The following BNC2 variants were observed in gnomAD, a reference collection of about 807,000 sequenced individuals.
BNC2 encodes the protein basonuclin zinc finger protein 2, also known as zinc finger protein basonuclin-2.
In BNC2, 20 loss-of-function variants were observed where a neutral mutation model predicts 76.3. The ratio of observed to expected loss-of-function variants is 0.26; its 90% CI spans 0.18 to 0.38. The LOEUF is 0.38. Among genes scored for constraint, BNC2 ranks in the 10% least tolerant of loss-of-function variants. The pLI is 1.00. For missense variants in BNC2, 1,382 were observed against 1,399.8 expected, an observed-to-expected ratio of 0.99 and a Z score of 0.20; for synonymous variants, 582 against 514.8, an observed-to-expected ratio of 1.13 and a Z score of -1.77.
chr9:16,736,701 C>G (rs1183998924), intron 2 of BNC2, among the ~76,000 whole-genome samples: 1 of 151,810 alleles, frequency 6.6e-6, no homozygotes, highest in Non-Finnish European at 1.5e-5. Context: ...GTCTCGAACT[C>G]CTGACCTTGT....
chr9:16,513,505 C>A (rs1341954277), intron 5 of BNC2, among the ~76,000 whole-genome samples: 1 of 151,922 alleles, frequency 6.6e-6, no homozygotes, highest in Non-Finnish European at 1.5e-5. Context: ...ACGGGTTTCA[C>A]CATATTAGCC....
chr9:16,497,732 C>T (rs1822419853), intron 5 of BNC2, among the ~76,000 whole-genome samples: 1 of 151,896 alleles, frequency 6.6e-6, no homozygotes, highest in South Asian at 2.1e-4. Context: ...CGGAATTAAC[C>T]AAGTAAAAAG....
At chr9:16,478,337 A>G (rs947670554) in intron 5 of BNC2, among the ~76,000 whole-genome samples, 2 of 152,106 alleles carry the variant, frequency 1.3e-5, no homozygotes, top group Non-Finnish European at 2.9e-5. Context: ...TCACATTTCA[A>G]TTGCTCAATG....
chr9:16,453,714 A>G (rs1821389325), intron 5 of BNC2, among the ~76,000 whole-genome samples: 1 of 152,082 alleles, frequency 6.6e-6, no homozygotes, highest in African/African-American at 2.4e-5. Flanking sequence ...TTCCATATTC[A>G]GCTGAGGCAG....
At chr9:16,735,324 C>T (rs1824632847) in intron 2 of BNC2, among the ~76,000 whole-genome samples, 2 of 150,144 alleles carry the variant, frequency 1.3e-5, no homozygotes, top group Admixed American at 6.6e-5. Flanking sequence ...TTCTTTATAC[C>T]AAACCTATAT....
intron 1 of BNC2, among the ~76,000 whole-genome samples, chr9:16,865,076 TG>T (rs1819511189): frequency 6.7e-6 from 1 of 148,920 alleles, no homozygotes; most frequent in Admixed American, 6.7e-5. Flanking sequence ...AATTTCAGCA[TG>T]GGGCACTTTG....
chr9:16,472,793 C>T (rs1279143655), intron 5 of BNC2, among the ~76,000 whole-genome samples: 1 of 152,158 alleles, frequency 6.6e-6, no homozygotes, highest in East Asian at 1.9e-4. Flanking sequence ...GAAACAGCTA[C>T]TTAATGAAAG....
intron 3 of BNC2, among the ~76,000 whole-genome samples, chr9:16,655,546 A>T (rs1441607772): frequency 6.6e-6 from 1 of 152,218 alleles, no homozygotes; most frequent in Non-Finnish European, 1.5e-5. Context: ...TCATCCAGGA[A>T]TAAAAAAAGT....
At chr9:16,435,060 T>A in intron 6 of BNC2, 1 of 471,550 alleles carries the variant, frequency 2.1e-6, no homozygotes, top group South Asian at 1.5e-5. Flanking sequence ...TGTCTCGATG[T>A]CCTGGACCTA....
chr9:16,652,530 AG>A (rs1377257646), intron 3 of BNC2, among the ~76,000 whole-genome samples: 1 of 152,214 alleles, frequency 6.6e-6, no homozygotes, highest in Non-Finnish European at 1.5e-5. Flanking sequence ...AAAGATTTAA[AG>A]TGAATTATAC....
intron 1 of BNC2, among the ~76,000 whole-genome samples, chr9:16,811,803 GA>G (rs1818062878): frequency 6.6e-6 from 1 of 152,184 alleles, no homozygotes; most frequent in African/African-American, 2.4e-5. Flanking sequence ...TGGCCTTAGT[GA>G]AGGGGGCAAA....
chr9:16,686,506 T>C (rs1822982989), intron 3 of BNC2, among the ~76,000 whole-genome samples: 2 of 152,210 alleles, frequency 1.3e-5, no homozygotes, highest in African/African-American at 4.8e-5. Context: ...ACACTAATCA[T>C]ATATCTGTCT....
chr9:16,484,510 G>A (rs543782873), intron 5 of BNC2, among the ~76,000 whole-genome samples: 1 of 152,142 alleles, frequency 6.6e-6, no homozygotes, highest in African/African-American at 2.4e-5. Context: ...TTTAAACTCT[G>A]AGCTACTCAA....
intron 1 of BNC2, among the ~76,000 whole-genome samples, chr9:16,778,502 G>A (rs1038123911): frequency 6.6e-6 from 1 of 152,210 alleles, no homozygotes; most frequent in South Asian, 2.1e-4. Flanking sequence ...ATCCAAAAAA[G>A]AAACAGAAAG....
intron 5 of BNC2, among the ~76,000 whole-genome samples, chr9:16,469,787 G>A (rs532144285): frequency 2.6e-5 from 4 of 152,242 alleles, no homozygotes; most frequent in Admixed American, 1.3e-4. Context: ...TTCAGATGAC[G>A]TGGTCTCAGA....
intron 1 of BNC2, among the ~76,000 whole-genome samples, chr9:16,814,234 G>C (rs1818126587): frequency 6.6e-6 from 1 of 152,170 alleles, no homozygotes; most frequent in South Asian, 2.1e-4. Context: ...ATACAGGAGG[G>C]TACATATTTA....
chr9:16,472,175 C>A (rs183341917), intron 5 of BNC2, among the ~76,000 whole-genome samples: 4 of 152,262 alleles, frequency 2.6e-5, no homozygotes, highest in Admixed American at 2.6e-4. Flanking sequence ...GCCTCACAAG[C>A]ACTATATTGT....
Position 16,419,206 on chromosome 9 carries a change from A to C in BNC2, c.3083T>G (p.Leu1028Trp). Residue 1028 changes from leucine to tryptophan, a missense_variant, in exon 7 of 7, where the codon TTG (leucine) becomes TGG (tryptophan). Coordinates refer to ENST00000380672, the MANE Select transcript of BNC2 (RefSeq NM_017637.6). ...CATGATCCCACCATTGCTCCCAGAC[A>C]AGCTGCTGAACATAAGAGATCCTGA... ...EVSGSLMFSS[L>W]SGSNGGIMCN... 1 of 1,614,164 alleles carries C rather than the reference A, an allele frequency of 6.2e-7. No homozygotes were observed. Among genetic ancestry groups the C allele is most frequent in the Non-Finnish European group, 8.5e-7 (1 of 1,180,030 alleles).
intron 1 of BNC2, among the ~76,000 whole-genome samples, chr9:16,845,926 G>C (rs1425988570): frequency 1.3e-5 from 2 of 151,990 alleles, no homozygotes; most frequent in African/African-American, 4.8e-5. Context: ...GAGACGGGCG[G>C]ATCAGGAGGT....
Sources: allele counts gnomAD v4.1 joint callset (sites outside exome capture counted in the v4.1 genomes callset), GRCh38; gene constraint gnomAD v4.1.1; transcripts MANE v1.5; gene names NCBI Gene and HGNC (gene_info 2026-07-23, HGNC 2026-07-21).